Variants in IPCEF1 observed in about 807,000 individuals in gnomAD.
IPCEF1 encodes interactor protein for cytohesin exchange factors 1.
IPCEF1 carries 31 observed loss-of-function variants against 50.9 expected under a neutral mutation model. The ratio of observed to expected loss-of-function variants is 0.61; its 90% CI spans 0.46 to 0.82. IPCEF1 has a LOEUF of 0.82. Among genes scored for constraint, IPCEF1 ranks in the 40% least tolerant of loss-of-function variants. The pLI, the probability that IPCEF1 is intolerant of heterozygous loss-of-function variation, is 0.00. For synonymous variants in IPCEF1, 181 were observed against 192.0 expected (o/e 0.94, Z 0.47); for missense variants, 458 against 514.0 (o/e 0.89, Z 1.05).
chr6:154,273,716 C>CTTTCTTTTTTTTTTTTTTTTTTTTTTTT (rs1781960407), intron 2 of IPCEF1, among the ~76,000 whole-genome samples: 1 of 28,030 alleles, frequency 3.6e-5, no homozygotes, highest in African/African-American at 9.6e-5. Flanking sequence ...TTCTTTCTTT[C>CTTTCTTTTTTTTTTTTTTTTTTTTTTTT]TTTCTTTCTT....
At chr6:154,312,992 A>T (rs2745448) in intron 1 of IPCEF1, among the ~76,000 whole-genome samples, 7 of 147,644 alleles carry the variant, frequency 4.7e-5, no homozygotes, top group African/African-American at 7.6e-5. Context: ...TGGGAAGATC[A>T]CTTGAGCCCA....
chr6:154,311,154 A>C (rs1168722121), intron 1 of IPCEF1, among the ~76,000 whole-genome samples: 1 of 152,180 alleles, frequency 6.6e-6, no homozygotes, highest in Non-Finnish European at 1.5e-5. Flanking sequence ...ATTAAAAATA[A>C]ATTAATAAAA....
intron 3 of IPCEF1, among the ~76,000 whole-genome samples, chr6:154,259,355 A>G (rs549717938): frequency 6.6e-6 from 1 of 152,324 alleles, no homozygotes; most frequent in Non-Finnish European, 1.5e-5. Flanking sequence ...CTGGAATCAA[A>G]GAAATATGAA....
At chr6:154,346,363 A>T (rs1784029602) in intron 1 of IPCEF1, among the ~76,000 whole-genome samples, 1 of 152,234 alleles carries the variant, frequency 6.6e-6, no homozygotes, top group African/African-American at 2.4e-5. Flanking sequence ...CTAGATATCA[A>T]GAAAGTTGAT....
intron 3 of IPCEF1, among the ~76,000 whole-genome samples, chr6:154,258,198 G>C (rs1781509360): frequency 6.6e-6 from 1 of 152,074 alleles, no homozygotes; most frequent in Admixed American, 6.6e-5. Context: ...TATTCACCCA[G>C]TGTTATTTAT....
intron 10 of IPCEF1, among the ~76,000 whole-genome samples, chr6:154,193,999 T>C (rs1776375793): frequency 6.6e-6 from 1 of 152,242 alleles, no homozygotes; most frequent in East Asian, 1.9e-4. Context: ...TACATCATAA[T>C]AAATGTGGTA....
intron 2 of IPCEF1, among the ~76,000 whole-genome samples, chr6:154,277,753 C>T (rs1782099403): frequency 6.6e-6 from 1 of 152,196 alleles, no homozygotes; most frequent in Non-Finnish European, 1.5e-5. Context: ...TCCCTGAACA[C>T]ATGTGGGCTT....
chr6:154,338,204 C>T (rs1180113391), intron 1 of IPCEF1, among the ~76,000 whole-genome samples: 1 of 152,210 alleles, frequency 6.6e-6, no homozygotes, highest in African/African-American at 2.4e-5. Context: ...TATTCTTAGC[C>T]TTGCACTTGG....
chr6:154,190,618 A>G (rs1381542227), intron 10 of IPCEF1, among the ~76,000 whole-genome samples: 1 of 152,192 alleles, frequency 6.6e-6, no homozygotes, highest in African/African-American at 2.4e-5. Flanking sequence ...ATACAGTTAA[A>G]CATACTCTTA....
chr6:154,274,962 T>C (rs1245595633), intron 2 of IPCEF1, among the ~76,000 whole-genome samples: 1 of 152,256 alleles, frequency 6.6e-6, no homozygotes, highest in African/African-American at 2.4e-5. Flanking sequence ...TCACTGGTTC[T>C]CCAAAACAGG....
rs112785231 is a variant in IPCEF1, at chr6:154,220,474, T to C, written c.392+783A>G. On this transcript the variant is annotated intron_variant, in intron 7 of 11. Transcript: ENST00000367220. ...GAGTTCGAGACCAGCCTGGCCAACA[T>C]GGTGAAACCCACAAGAAACACAAAA... Among the ~76,000 whole-genome samples the C allele has an allele frequency of 4.0e-3, 608 of 152,156 alleles. 5 individuals carry two copies. Among genetic ancestry groups the C allele is most frequent in the African/African-American group, 0.014 (577 of 41,506 alleles).
intron 5 of IPCEF1, among the ~76,000 whole-genome samples, chr6:154,233,656 G>T (rs1779893782): frequency 6.6e-6 from 1 of 152,166 alleles, no homozygotes; most frequent in African/African-American, 2.4e-5. Flanking sequence ...TGGTTCTGAG[G>T]ATACTGAGGC....
chr6:154,241,797 C>G (rs1780617937), intron 5 of IPCEF1, among the ~76,000 whole-genome samples: 1 of 152,160 alleles, frequency 6.6e-6, no homozygotes, highest in South Asian at 2.1e-4. Context: ...AGCTCACCTT[C>G]CGGCTCAAGA....
chr6:154,179,101 T>C (rs979335588), intron 10 of IPCEF1, among the ~76,000 whole-genome samples: 1 of 152,138 alleles, frequency 6.6e-6, no homozygotes, highest in African/African-American at 2.4e-5. Flanking sequence ...TGCTTAGGTC[T>C]TCACAGGGCC....
Position 154,211,089 on chromosome 6 carries a change from G to C in IPCEF1, c.537+1681C>G, listed in dbSNP as rs140182737. On this transcript the variant is annotated intron_variant, in intron 9 of 11. Transcript: ENST00000367220. ...CCTGTCAGAACTTGCCATCATTTGG[G>C]TCTATAATGGACAGGTGTCATGGTT... 7.5e-4 allele frequency among the ~76,000 whole-genome samples: 114 copies of C among 152,288 alleles called. 1 individual carries two copies. In the East Asian group the frequency reaches 0.016, roughly 21 times the overall value.
intron 3 of IPCEF1, among the ~76,000 whole-genome samples, chr6:154,265,286 G>GTT (rs572825271): frequency 6.9e-6 from 1 of 145,744 alleles, no homozygotes. Flanking sequence ...TTATTATTAT[G>GTT]TTTTTTTTTT....
chr6:154,187,995 C>A (rs1284218894), intron 10 of IPCEF1, among the ~76,000 whole-genome samples: 1 of 152,184 alleles, frequency 6.6e-6, no homozygotes, highest in Non-Finnish European at 1.5e-5. Context: ...ATTGCCATTT[C>A]TATCAGCATT....
intron 1 of IPCEF1, among the ~76,000 whole-genome samples, chr6:154,351,672 G>A (rs549310583): frequency 8.4e-4 from 128 of 152,274 alleles, no homozygotes; most frequent in Admixed American, 2.4e-3. Flanking sequence ...CAAAGGTCTG[G>A]GTTTGAATCC....
chr6:154,281,184 C>CAAAAAAAA (rs35597942), intron 2 of IPCEF1, among the ~76,000 whole-genome samples: 578 of 55,602 alleles, frequency 0.01, no homozygotes, highest in Middle Eastern at 0.022. Context: ...TACTAAAATA[C>CAAAAAAAA]AAAAAAAAAA....
Sources: allele counts gnomAD v4.1 joint callset (sites outside exome capture counted in the v4.1 genomes callset), GRCh38; gene constraint gnomAD v4.1.1; transcripts MANE v1.5; gene names NCBI Gene and HGNC (gene_info 2026-07-23, HGNC 2026-07-21).